The following PITPNC1 variants were observed in gnomAD, a reference collection of about 807,000 sequenced individuals.
PITPNC1 encodes the protein phosphatidylinositol transfer protein cytoplasmic 1.
Under a neutral mutation model 44.7 loss-of-function variants are expected in PITPNC1, and 18 were observed. That is an observed-to-expected ratio of 0.40 (90% CI 0.28 to 0.60). PITPNC1 has a LOEUF of 0.60. Ranked by LOEUF, PITPNC1 falls within the 20% of genes least tolerant of loss-of-function variation. PITPNC1 has a pLI of 0.39. For synonymous variants in PITPNC1, 141 were observed against 149.6 expected, an observed-to-expected ratio of 0.94 and a Z score of 0.42; for missense variants, 290 against 418.4, an observed-to-expected ratio of 0.69 and a Z score of 2.68.
chr17:67,505,000 G>T (rs1476262465), intron 1 of PITPNC1, among the ~76,000 whole-genome samples: 1 of 151,966 alleles, frequency 6.6e-6, no homozygotes, highest in African/African-American at 2.4e-5. Context: ...TAAACCCATT[G>T]GTTATTTGTG....
At chr17:67,581,935 A>C (rs186356499) in intron 5 of PITPNC1, among the ~76,000 whole-genome samples, 118 of 152,166 alleles carry the variant, frequency 7.8e-4, no homozygotes, top group African/African-American at 2.8e-3. Context: ...CAGGAGGCTG[A>C]GGTTGGAGAA....
chr17:67,550,988 G>A (rs2040754583), intron 2 of PITPNC1, among the ~76,000 whole-genome samples: 1 of 152,156 alleles, frequency 6.6e-6, no homozygotes, highest in Non-Finnish European at 1.5e-5. Flanking sequence ...GTGAACCTGG[G>A]AGGCGGAGCT....
intron 5 of PITPNC1, among the ~76,000 whole-genome samples, chr17:67,604,667 CA>C (rs1229605204): frequency 6.6e-6 from 1 of 152,084 alleles, no homozygotes; most frequent in Admixed American, 6.6e-5. Context: ...CCTGTAGTCC[CA>C]GCTACTTGGG....
chr17:67,631,657 A>AAAATATATATAT (rs1555574522), intron 5 of PITPNC1, among the ~76,000 whole-genome samples: 8 of 7,680 alleles, frequency 1.0e-3, no homozygotes, highest in African/African-American at 2.6e-3. Flanking sequence ...AAAAAAAAAA[A>AAAATATATATAT]ATATATATAT....
chr17:67,563,734 T>A (rs2040935728), intron 4 of PITPNC1, among the ~76,000 whole-genome samples: 2 of 152,142 alleles, frequency 1.3e-5, no homozygotes, highest in Non-Finnish European at 2.9e-5. Flanking sequence ...CATGAATAAG[T>A]GTGATGTATG....
At chr17:67,381,632 A>T (rs567453321) in intron 1 of PITPNC1, among the ~76,000 whole-genome samples, 1 of 151,808 alleles carries the variant, frequency 6.6e-6, no homozygotes, top group Non-Finnish European at 1.5e-5. Flanking sequence ...GCACCCTGCT[A>T]ATTTTTTGTA....
chr17:67,540,804 C>CT (rs1231412388), intron 2 of PITPNC1, among the ~76,000 whole-genome samples: 8 of 152,190 alleles, frequency 5.3e-5, no homozygotes, highest in African/African-American at 1.9e-4. Context: ...AGTAATGTGA[C>CT]TCAGAAGTCT....
At chr17:67,394,804 A>T (rs2038191269) in intron 1 of PITPNC1, among the ~76,000 whole-genome samples, 1 of 152,076 alleles carries the variant, frequency 6.6e-6, no homozygotes, top group Non-Finnish European at 1.5e-5. Flanking sequence ...CTGAGATAGA[A>T]GAATGGTGTG....
At chr17:67,493,309 G>A (rs150275909) in intron 1 of PITPNC1, among the ~76,000 whole-genome samples, 36 of 152,288 alleles carry the variant, frequency 2.4e-4, no homozygotes, top group African/African-American at 7.5e-4. Flanking sequence ...TCTGGGAATC[G>A]GAGAGGCTGG....
rs141575641 is a variant in PITPNC1 at position 67,636,741 on chromosome 17, C to T, written c.462+4503C>T. On this transcript the variant is annotated intron_variant, in intron 6 of 8. Coordinates refer to ENST00000581322, the MANE Select transcript of PITPNC1 (RefSeq NM_012417.4). ...AAGGAAGAGGGGTGAGTTTCCTGGG[C>T]TGTTTTGGTGGTTGTGTCTACTGTA... is the stretch of plus-strand genomic sequence containing the variant. Among the ~76,000 whole-genome samples, 864 of 152,292 alleles carry T rather than the reference C, an allele frequency of 5.7e-3. 8 individuals are homozygous for T. The highest frequency in any genetic ancestry group is 0.02 in the African/African-American group (830 of 41,566).
chr17:67,626,264 G>A (rs544761710), intron 5 of PITPNC1, among the ~76,000 whole-genome samples: 2 of 152,178 alleles, frequency 1.3e-5, no homozygotes, highest in East Asian at 1.9e-4. Flanking sequence ...GGGATTACAG[G>A]GATGAGCCGC....
intron 4 of PITPNC1, among the ~76,000 whole-genome samples, chr17:67,567,878 C>CA (rs1373907551): frequency 1.3e-5 from 2 of 151,838 alleles, no homozygotes; most frequent in East Asian, 3.9e-4. Context: ...GAGGCTGAGG[C>CA]AGGAGAATCG....
At chr17:67,509,287 A>G (rs932337438) in intron 1 of PITPNC1, among the ~76,000 whole-genome samples, 1 of 151,904 alleles carries the variant, frequency 6.6e-6, no homozygotes, top group Non-Finnish European at 1.5e-5. Flanking sequence ...GCCTGTGAGT[A>G]CTTTGGAAGG....
At chr17:67,525,590 C>T (rs532563690) in intron 1 of PITPNC1, among the ~76,000 whole-genome samples, 1 of 152,312 alleles carries the variant, frequency 6.6e-6, no homozygotes, top group East Asian at 1.9e-4. Flanking sequence ...GATCTCCTTT[C>T]CTGTGTGTAA....
intron 1 of PITPNC1, among the ~76,000 whole-genome samples, chr17:67,469,907 T>C (rs113824327): frequency 7.1e-4 from 108 of 152,216 alleles, no homozygotes; most frequent in African/African-American, 2.6e-3. Context: ...AATATATATA[T>C]GTGTGTGTAT....
intron 5 of PITPNC1, among the ~76,000 whole-genome samples, chr17:67,631,520 T>G (rs2041966499): frequency 7.6e-6 from 1 of 131,394 alleles, no homozygotes; most frequent in African/African-American, 2.8e-5. Flanking sequence ...TCCCAGCTAC[T>G]CGGGAGGCTG....
In PITPNC1 at chr17:67,500,939, C is replaced by T. The variant is rs375242566; in HGVS notation, c.49-31863C>T. On this transcript the variant is annotated intron_variant, in intron 1 of 8. Coordinates refer to ENST00000581322, the MANE Select transcript of PITPNC1 (RefSeq NM_012417.4). ...TCCTGGGCTCAAGCAGTCCTCCCAT[C>T]TCTGCCTCCCAAAGTGCTGGAATTA... is the stretch of plus-strand genomic sequence containing the variant. Among the ~76,000 whole-genome samples the T allele has an allele frequency of 5.3e-5, 8 of 152,168 alleles. No homozygotes were observed. In the East Asian group the frequency reaches 7.7e-4, roughly 15 times the overall value.
At chr17:67,409,990 C>T (rs775925639) in intron 1 of PITPNC1, among the ~76,000 whole-genome samples, 8 of 152,182 alleles carry the variant, frequency 5.3e-5, no homozygotes, top group East Asian at 1.9e-4. Flanking sequence ...AACGTGCGTG[C>T]GTGAGTTTCT....
chr17:67,533,017 G>A, intron 2 of PITPNC1, 67 bp downstream of exon 2: 1 of 1,272,382 alleles, frequency 7.9e-7, no homozygotes, highest in Non-Finnish European at 1.1e-6. Context: ...TGTGACAGTG[G>A]AGGCAGTGGG....
Sources: allele counts gnomAD v4.1 joint callset (sites outside exome capture counted in the v4.1 genomes callset), GRCh38; gene constraint gnomAD v4.1.1; transcripts MANE v1.5; gene names NCBI Gene and HGNC (gene_info 2026-07-23, HGNC 2026-07-21).